GCNT4: variants seen among roughly 807,000 people sequenced by gnomAD.
GCNT4 encodes beta-1,3-galactosyl-O-glycosyl-glycoprotein beta-1,6-N-acetylglucosaminyltransferase 4.
GCNT4 carries 17 observed loss-of-function variants against 31.3 expected under a neutral mutation model. The observed-to-expected ratio is 0.54, with a 90% CI of 0.37 to 0.81. GCNT4 has a LOEUF of 0.81. Among genes scored for constraint, GCNT4 ranks in the 40% least tolerant of loss-of-function variants. The pLI, the probability that GCNT4 is intolerant of heterozygous loss-of-function variation, is 0.00. For missense variants in GCNT4, 503 were observed against 525.5 expected (o/e 0.96, Z 0.42); for synonymous variants, 158 against 190.6 (o/e 0.83, Z 1.41).
intron 3 of GCNT4, among the ~76,000 whole-genome samples, chr5:75,040,928 G>C (rs1206898098): frequency 6.0e-5 from 8 of 134,002 alleles, no homozygotes. Flanking sequence ...AGGAAGAAAT[G>C]TAGTTAATCT....
At chr5:75,036,767 A>G (rs1389558470) in intron 3 of GCNT4, among the ~76,000 whole-genome samples, 1 of 152,226 alleles carries the variant, frequency 6.6e-6, no homozygotes, top group Admixed American at 6.5e-5. Context: ...TCCAGCCCGT[A>G]GAATCAATTC....
intron 3 of GCNT4, among the ~76,000 whole-genome samples, chr5:75,034,928 C>A (rs1363710545): frequency 6.6e-6 from 1 of 151,546 alleles, no homozygotes; most frequent in Non-Finnish European, 1.5e-5. Context: ...CGACCGCATT[C>A]AGGGACACCC....
Position 75,032,872 on chromosome 5 carries a change from G to GGTGTGTGTGT in GCNT4, c.-1-2844_-1-2835dup, listed in dbSNP as rs60551634. Among the ~76,000 whole-genome samples the GGTGTGTGTGT allele has an allele frequency of 3.3e-3, 428 of 130,744 alleles. 4 individuals carry two copies. Among genetic ancestry groups the GGTGTGTGTGT allele is most frequent in the Middle Eastern group, 0.012 (3 of 252 alleles). The allele number at this position is 130,744 out of a possible 152,430, so 85.8% of individuals were successfully genotyped here. A position where few individuals can be genotyped will look rare whatever the true frequency, so the allele number is the denominator to read the frequency against. On this transcript the variant is annotated intron_variant, in intron 3 of 3. Coordinates refer to ENST00000652361, the MANE Select transcript of GCNT4 (RefSeq NM_001366737.1). ...AGAAGACTAATCAATCCCAAATAGGGGTGTGTGTGTGTGTGTGTGTGTGTG... is the reference window on the plus strand; with the variant it reads ...AGAAGACTAATCAATCCCAAATAGGGGTGTGTGTGTGTGTGTGTGTGTGTGTGTGTGTGTG...
At chr5:75,023,507 C>G (rs1742905013), downstream of GCNT4, among the ~76,000 whole-genome samples, 2 of 151,754 alleles carry the variant, frequency 1.3e-5, no homozygotes, top group Admixed American at 6.6e-5. Flanking sequence ...GTTCATAGCA[C>G]TGTTATTTAT....
intron 3 of GCNT4, among the ~76,000 whole-genome samples, chr5:75,041,182 C>T (rs1048925365): frequency 3.9e-5 from 6 of 152,182 alleles, no homozygotes; most frequent in African/African-American, 1.4e-4. Flanking sequence ...TTGGTGAAGC[C>T]ATCCCTAAGG....
chr5:75,027,189 T>C lies in GCNT4; in HGVS notation c.*1487A>G, dbSNP rs1406770517. 6.7e-6 allele frequency: 1 copy of C among 148,804 alleles called. No homozygotes were observed. Among genetic ancestry groups the C allele is most frequent in the Non-Finnish European group, 1.5e-5 (1 of 67,512 alleles). The allele number at this position is 148,804 out of a possible 1,614,324, so 9.2% of individuals were successfully genotyped here. ...CAATTTCCCAAGAGACTGGTGAAAA[T>C]GTTATTGCCTATTCTCAGAACCCCA... On this transcript the variant is annotated 3_prime_UTR_variant, in exon 4 of 4. Transcript: ENST00000652361.
At chr5:75,041,969 C>A (rs903447492) in intron 3 of GCNT4, among the ~76,000 whole-genome samples, 5 of 152,130 alleles carry the variant, frequency 3.3e-5, no homozygotes, top group African/African-American at 1.2e-4. Flanking sequence ...AAAGAAAATT[C>A]TAAAAAATAT....
chr5:75,031,235 C>T (rs1235270154), intron 3 of GCNT4, among the ~76,000 whole-genome samples: 4 of 152,008 alleles, frequency 2.6e-5, no homozygotes, highest in Admixed American at 6.5e-5. Flanking sequence ...CCACCATGCC[C>T]GGCTAATTTT....
chr5:75,047,693 G>A (rs1219304651), intron 3 of GCNT4: 1 of 151,952 alleles, frequency 6.6e-6, no homozygotes, highest in Non-Finnish European at 1.5e-5. Flanking sequence ...AATCATGTAT[G>A]AGCAACATTT....
In GCNT4 at chr5:75,027,218, C is replaced by T. The variant is rs890785408; in HGVS notation, c.*1458G>A. Reference sequence around the variant, plus strand: ...ATTGCCTATTCTCAGAACCCCATTCCTACCCCATTTTACTTCCAGAACAAT... The same window carrying T: ...ATTGCCTATTCTCAGAACCCCATTCTTACCCCATTTTACTTCCAGAACAAT... On this transcript the variant is annotated 3_prime_UTR_variant, in exon 4 of 4. Transcript: ENST00000652361. 1 of 146,280 alleles carries T rather than the reference C, an allele frequency of 6.8e-6. No homozygotes were observed. Among genetic ancestry groups the T allele is most frequent in the Admixed American group, 6.9e-5 (1 of 14,478 alleles). 9.1% of individuals were successfully genotyped at this position (146,280 alleles called of 1,614,324 possible).
chr5:75,023,026 T>C (rs1742899432), downstream of GCNT4, among the ~76,000 whole-genome samples: 1 of 152,188 alleles, frequency 6.6e-6, no homozygotes, highest in Non-Finnish European at 1.5e-5. Context: ...AAAGGGAAGC[T>C]GGGAATTAAC....
At chr5:75,017,756 C>G in the GCNT4 span, among the ~76,000 whole-genome samples, 1 of 152,160 alleles carries the variant, frequency 6.6e-6, no homozygotes, top group Non-Finnish European at 1.5e-5. Flanking sequence ...CGCCAGGAAT[C>G]TCTCTGCTGG....
downstream of GCNT4, among the ~76,000 whole-genome samples, chr5:75,021,570 G>A (rs915318118): frequency 6.6e-6 from 1 of 152,208 alleles, no homozygotes; most frequent in Non-Finnish European, 1.5e-5. Flanking sequence ...CTTTGCACTA[G>A]CTATTAGATT....
At position 75,027,859 on chromosome 5, in the gene GCNT4, T is replaced by C. The variant is rs1580234572; in HGVS notation, c.*817A>G. ...TTCTGGTGTGTGACACTTGGAGCTA[T>C]TGGTCAGTTCTTATTTTTAATCAGT... is the stretch of plus-strand genomic sequence containing the variant. On this transcript the variant is annotated 3_prime_UTR_variant, in exon 4 of 4. Coordinates refer to ENST00000652361, the MANE Select transcript of GCNT4 (RefSeq NM_001366737.1). 1 of 152,488 alleles carries C rather than the reference T, an allele frequency of 6.6e-6. No individual in the cohort carries two copies. The highest frequency in any genetic ancestry group is 1.5e-5 in the Non-Finnish European group (1 of 68,020). The allele number at this position is 152,488 out of a possible 1,614,324, so 9.4% of individuals were successfully genotyped here.
At chr5:75,048,667 A>G (rs73125247) in intron 2 of GCNT4, among the ~76,000 whole-genome samples, 30,029 of 152,116 alleles carry the variant, frequency 0.2, 3,068 homozygotes, top group African/African-American at 0.26. Context: ...ACCACCCAAA[A>G]AGGAAAGCAT....
At chr5:75,022,142 C>T (rs901560395), downstream of GCNT4, among the ~76,000 whole-genome samples, 2 of 152,158 alleles carry the variant, frequency 1.3e-5, no homozygotes, top group African/African-American at 2.4e-5. Context: ...CTCGAGATTT[C>T]ACCCCCATGA....
the GCNT4 span, among the ~76,000 whole-genome samples, chr5:75,019,497 G>A: frequency 6.6e-6 from 1 of 152,166 alleles, no homozygotes; most frequent in East Asian, 1.9e-4. Context: ...GTATAGCAAC[G>A]AAGAGCTTGG....
intron 3 of GCNT4, chr5:75,047,595 T>G (rs1561378869): frequency 6.6e-6 from 1 of 152,208 alleles, no homozygotes. Flanking sequence ...AAACCACAGC[T>G]AAAAGCATTC....
Position 75,028,607 on chromosome 5 carries a change from AG to A in GCNT4, c.*68del. ...ACTGAGTTTAAACAGTATTGGGCAT[AG>A]TATGGTATTCAATTCCACACTGACT... On this transcript the variant is annotated 3_prime_UTR_variant, in exon 4 of 4. Transcript: ENST00000652361. 1.4e-6 allele frequency: 2 copies of A among 1,388,680 alleles called. No individual in the cohort carries two copies. Among genetic ancestry groups the A allele is most frequent in the East Asian group, 4.6e-5 (2 of 43,770 alleles). The allele number at this position is 1,388,680 out of a possible 1,614,324, so 86.0% of individuals were successfully genotyped here.
Sources: gnomAD v4.1 joint callset for allele counts (sites outside exome capture counted in the v4.1 genomes callset) on GRCh38, gnomAD v4.1.1 for gene constraint, MANE v1.5 for transcripts, NCBI Gene and HGNC (gene_info 2026-07-23, HGNC 2026-07-21) for gene names.